The following ZFPM1 variants were observed in gnomAD, a reference collection of about 807,000 sequenced individuals.
ZFPM1 encodes the protein zinc finger protein, FOG family member 1.
ZFPM1 carries 28 observed loss-of-function variants against 46.3 expected under a neutral mutation model. The ratio of observed to expected loss-of-function variants is 0.60; its 90% CI spans 0.45 to 0.83. The LOEUF (loss-of-function observed/expected upper bound fraction) is 0.83. Among genes scored for constraint, ZFPM1 ranks in the 40% least tolerant of loss-of-function variants. The pLI, the probability that ZFPM1 is intolerant of heterozygous loss-of-function variation, is 0.00. For synonymous variants in ZFPM1, 957 were observed against 675.9 expected, an observed-to-expected ratio of 1.42 and a Z score of -6.45; for missense variants, 1,878 against 1,432.4, an observed-to-expected ratio of 1.31 and a Z score of -5.02.
At chr16:88,473,739 C>A (rs990970661) in intron 1 of ZFPM1, among the ~76,000 whole-genome samples, 1 of 152,196 alleles carries the variant, frequency 6.6e-6, no homozygotes, top group Non-Finnish European at 1.5e-5. Flanking sequence ...ACCTCTCCTC[C>A]TCCCTGGGCC....
At chr16:88,486,075 C>G (rs761930189) in intron 2 of ZFPM1, 32 bp downstream of exon 2, 26 of 1,583,582 alleles carry the variant, frequency 1.6e-5, no homozygotes, top group Non-Finnish European at 2.1e-5. Flanking sequence ...CACCGCGCCT[C>G]CAGCCGGGGC....
rs1309003462 is a variant in ZFPM1, at chr16:88,471,330, C to T, written c.41-14609C>T. Among the ~76,000 whole-genome samples, 4 of 152,246 alleles carry T rather than the reference C, an allele frequency of 2.6e-5. No individual in the cohort carries two copies. ...TCTGGCTTGGGCTATAGCATCTAGG[C>T]TCTGAGATGACTGTGTCCGTGGCGG... On this transcript the variant is annotated intron_variant, in intron 1 of 9. Transcript: ENST00000319555. This position sits in a 1 kb window ranked among gnomAD's most constrained non-coding sequence, Gnocchi z 4.1.
intron 3 of ZFPM1, among the ~76,000 whole-genome samples, chr16:88,510,794 CCACT>C (rs1910913395): frequency 6.6e-6 from 1 of 152,226 alleles, no homozygotes; most frequent in African/African-American, 2.4e-5. Context: ...ACCCACCCAC[CCACT>C]GCCTACCCTT....
intron 3 of ZFPM1, among the ~76,000 whole-genome samples, chr16:88,502,867 G>C (rs1910444453): frequency 6.6e-6 from 1 of 150,992 alleles, no homozygotes; most frequent in Non-Finnish European, 1.5e-5. Flanking sequence ...CCACGTGGAT[G>C]CCCGTTTGTG....
rs540902556 is a variant in ZFPM1 at position 88,536,205 on chromosome 16, T to G, written c.*1226T>G. ...ATATTTTTTAGAGCTAAGGTCTTGT[T>G]CGGTTCCCCAGGCTGAAGTTCAGTG... On this transcript the variant is annotated 3_prime_UTR_variant, in exon 10 of 10. Coordinates refer to ENST00000319555, the MANE Select transcript of ZFPM1 (RefSeq NM_153813.3). The G allele has an allele frequency of 6.6e-6, 1 of 152,252 alleles. No homozygotes were observed. The highest frequency in any genetic ancestry group is 1.9e-4 in the East Asian group (1 of 5,174). 9.4% of individuals were successfully genotyped at this position (152,252 alleles called of 1,614,324 possible). A position where few individuals can be genotyped will look rare whatever the true frequency, so the allele number is the denominator to read the frequency against.
intron 1 of ZFPM1, among the ~76,000 whole-genome samples, chr16:88,474,688 C>T (rs1474736225): frequency 6.6e-6 from 1 of 152,206 alleles, no homozygotes; most frequent in African/African-American, 2.4e-5. Context: ...AAGCCAGCCC[C>T]CACGCCAGCC....
intron 1 of ZFPM1, among the ~76,000 whole-genome samples, chr16:88,474,091 C>T (rs1006413945): frequency 1.3e-5 from 2 of 152,236 alleles, no homozygotes; most frequent in South Asian, 2.1e-4. Flanking sequence ...CAGGCCGCAC[C>T]GATAGGATGT....
intron 6 of ZFPM1, 52 bp from the exon 7 acceptor site, chr16:88,531,950 C>G: frequency 6.5e-7 from 1 of 1,528,290 alleles, no homozygotes; most frequent in Non-Finnish European, 8.9e-7. Context: ...CAGCCTTGCC[C>G]TGGCTGGCAG....
chr16:88,501,327 A>G (rs1452054728), intron 3 of ZFPM1, among the ~76,000 whole-genome samples: 13 of 100,862 alleles, frequency 1.3e-4, no homozygotes, highest in South Asian at 3.1e-4. Context: ...GATAGCAGAC[A>G]TGGGTGCGGG....
upstream of ZFPM1, among the ~76,000 whole-genome samples, chr16:88,452,161 G>T (rs12445547): frequency 0.33 from 50,531 of 152,054 alleles, 8,687 homozygotes; most frequent in East Asian, 0.48. Context: ...AGCAAGTGTA[G>T]ACCGAGAACA....
In ZFPM1 at chr16:88,533,617, G is replaced by A. The variant is rs1912989531; in HGVS notation, c.1659G>A (p.Arg553=). ...LAKMSELVHS[R]LQQGAGAGAG... is the part of the protein sequence containing the mutation. ...AGATGTCCGAGCTGGTGCACAGCCG[G>A]CTGCAGCAGGGCGCGGGCGCGGGCG... Residue 553 remains arginine, a synonymous_variant, in exon 10 of 10, where the codon CGG becomes CGA. Coordinates refer to ENST00000319555, the MANE Select transcript of ZFPM1 (RefSeq NM_153813.3). The A allele has an allele frequency of 6.8e-7, 1 of 1,478,006 alleles. No individual in the cohort carries two copies. Among genetic ancestry groups the A allele is most frequent in the Non-Finnish European group, 9.0e-7 (1 of 1,113,938 alleles). 91.6% of individuals were successfully genotyped at this position (1,478,006 alleles called of 1,614,324 possible). A position where few individuals can be genotyped will look rare whatever the true frequency, so the allele number is the denominator to read the frequency against.
intron 1 of ZFPM1, among the ~76,000 whole-genome samples, chr16:88,483,815 CCTG>C (rs1909072430): frequency 6.6e-6 from 1 of 152,228 alleles, no homozygotes; most frequent in Non-Finnish European, 1.5e-5. Context: ...CCAGCCACAG[CCTG>C]CTCATGATCA....
chr16:88,516,144 C>T (rs906144181), intron 4 of ZFPM1: 2 of 398,472 alleles, frequency 5.0e-6, no homozygotes, highest in African/African-American at 2.1e-5. Flanking sequence ...GATGTTAAGT[C>T]AATTGCCCAA....
intron 4 of ZFPM1, among the ~76,000 whole-genome samples, chr16:88,520,286 A>G (rs566209294): frequency 4.2e-4 from 59 of 138,846 alleles, no homozygotes; most frequent in African/African-American, 1.5e-3. Context: ...ATGGATAGAT[A>G]GGTAGGTGGA....
chr16:88,501,114 A>T (rs1413886108), intron 3 of ZFPM1, among the ~76,000 whole-genome samples: 1 of 141,040 alleles, frequency 7.1e-6, no homozygotes. Context: ...GATGATGGAG[A>T]TAGCAGACAT....
chr16:88,501,326 C>T (rs1425621954), intron 3 of ZFPM1, among the ~76,000 whole-genome samples: 13 of 109,130 alleles, frequency 1.2e-4, no homozygotes, highest in South Asian at 2.8e-4. Flanking sequence ...AGATAGCAGA[C>T]ATGGGTGCGG....
intron 1 of ZFPM1, among the ~76,000 whole-genome samples, chr16:88,465,449 C>A (rs956164297): frequency 6.6e-6 from 1 of 152,244 alleles, no homozygotes; most frequent in African/African-American, 2.4e-5. Flanking sequence ...GTCTCTGTGC[C>A]TCAGTTTCCC....
chr16:88,531,241 G>A (rs1912762191), intron 6 of ZFPM1, among the ~76,000 whole-genome samples: 1 of 152,230 alleles, frequency 6.6e-6, no homozygotes, highest in South Asian at 2.1e-4. Context: ...ATGGGGCAGG[G>A]CTCTGGGGCA....
At chr16:88,475,291 G>A (rs540481916) in intron 1 of ZFPM1, among the ~76,000 whole-genome samples, 7 of 152,346 alleles carry the variant, frequency 4.6e-5, no homozygotes, top group Non-Finnish European at 1.0e-4. Flanking sequence ...CATCAGAGGG[G>A]AGGGTGGGCA....
Sources: gnomAD v4.1 joint callset for allele counts (sites outside exome capture counted in the v4.1 genomes callset) on GRCh38, gnomAD v4.1.1 for gene constraint, Gnocchi (gnomAD v3.1) non-coding constraint, MANE v1.5 for transcripts, NCBI Gene and HGNC (gene_info 2026-07-23, HGNC 2026-07-21) for gene names.